Variants in ERCC8 observed in about 807,000 individuals in gnomAD.
The protein encoded by ERCC8 is ERCC excision repair 8, CSA ubiquitin ligase complex subunit.
A neutral mutation model predicts 54.9 loss-of-function variants in ERCC8; 52 were observed. The observed-to-expected ratio is 0.95, with a 90% CI of 0.76 to 1.19. The LOEUF (loss-of-function observed/expected upper bound fraction) is 1.19. Ranked by LOEUF, ERCC8 falls within the 50% of genes most tolerant of loss-of-function variation. The pLI, the probability that ERCC8 is intolerant of heterozygous loss-of-function variation, is 0.00. For missense variants in ERCC8, 514 were observed against 466.1 expected (o/e 1.10, Z -0.95); for synonymous variants, 146 against 157.2 (o/e 0.93, Z 0.53).
chr5:60,898,617 T>A (rs1748786834), intron 8 of ERCC8, among the ~76,000 whole-genome samples: 1 of 151,172 alleles, frequency 6.6e-6, no homozygotes, highest in Non-Finnish European at 1.5e-5. Flanking sequence ...AGGGAAAAAA[T>A]TTCTGCCTAA....
chr5:60,944,810 T>C, intron 1 of ERCC8, 122 bp downstream of exon 1: 1 of 601,172 alleles, frequency 1.7e-6, no homozygotes, highest in Non-Finnish European at 3.0e-6. Flanking sequence ...CACACAGCAT[T>C]AGAGGGCAAA....
intron 4 of ERCC8, among the ~76,000 whole-genome samples, chr5:60,908,727 C>A (rs1026239389): frequency 2.0e-5 from 3 of 151,938 alleles, no homozygotes; most frequent in Non-Finnish European, 2.9e-5. Flanking sequence ...GGCTGAATTG[C>A]TTGACATGTA....
At chr5:60,921,927 T>C (rs1749611074) in intron 3 of ERCC8, 127 bp downstream of exon 3, 4 of 559,282 alleles carry the variant, frequency 7.2e-6, no homozygotes, top group South Asian at 2.7e-5. Flanking sequence ...GGAACAGCCA[T>C]GCAAATGTGT....
chr5:60,935,747 T>C lies in ERCC8; in HGVS notation c.78-6788A>G, dbSNP rs766733295. Among the ~76,000 whole-genome samples the C allele has an allele frequency of 1.4e-4, 22 of 151,906 alleles. No individual in the cohort carries two copies. The South Asian group carries it at 2.3e-3, about 16-fold the overall frequency. ...ATTTTGCTGAGGGTTTTAATCATAA[T>C]GGGATGCTGGATTTTGTCAGATGCT... On this transcript the variant is annotated intron_variant, in intron 1 of 11. Transcript: ENST00000676185.
At chr5:60,914,293 A>G (rs925842957) in intron 4 of ERCC8, among the ~76,000 whole-genome samples, 1 of 152,012 alleles carries the variant, frequency 6.6e-6, no homozygotes, top group African/African-American at 2.4e-5. Flanking sequence ...GTGCATATAT[A>G]TTTAGGATAG....
intron 1 of ERCC8, among the ~76,000 whole-genome samples, chr5:60,939,003 T>C (rs1378862317): frequency 6.6e-6 from 1 of 152,212 alleles, no homozygotes; most frequent in Non-Finnish European, 1.5e-5. Flanking sequence ...AAACAGCTTT[T>C]AGCTTTATTT....
Position 60,918,257 on chromosome 5 carries a change from G to A in ERCC8, c.399+8C>T, listed in dbSNP as rs781341530. ...CAAAGCAATCTGCAAATGTTTTAAT[G>A]TACTTACTTGTAATGTATTTGTATC... On this transcript the variant is annotated splice_region_variant and intron_variant, in intron 4 of 11. Coordinates refer to ENST00000676185, the MANE Select transcript of ERCC8 (RefSeq NM_000082.4). 2 of 1,584,980 alleles carry A rather than the reference G, an allele frequency of 1.3e-6. No individual in the cohort carries two copies. Among genetic ancestry groups the A allele is most frequent in the East Asian group, 4.5e-5 (2 of 44,714 alleles).
chr5:60,933,807 T>C (rs1369459725), intron 1 of ERCC8, among the ~76,000 whole-genome samples: 1 of 152,196 alleles, frequency 6.6e-6, no homozygotes, highest in African/African-American at 2.4e-5. Context: ...CTCCCACTTA[T>C]GAGTGAGAAC....
intron 9 of ERCC8, chr5:60,892,386 C>T (rs766796146): frequency 2.9e-5 from 16 of 546,634 alleles, no homozygotes; most frequent in African/African-American, 7.6e-5. Context: ...TTGACTTGCT[C>T]GGTATCCTCG....
chr5:60,889,388 C>G (rs1391033724), intron 10 of ERCC8, among the ~76,000 whole-genome samples: 1 of 152,138 alleles, frequency 6.6e-6, no homozygotes, highest in Non-Finnish European at 1.5e-5. Flanking sequence ...ACACGGCTCA[C>G]TCAATCTCCT....
chr5:60,941,473 A>C (rs1404726196), intron 1 of ERCC8, among the ~76,000 whole-genome samples: 1 of 152,210 alleles, frequency 6.6e-6, no homozygotes. Context: ...TTGGAGGTCT[A>C]GAAGGAGAAG....
intron 4 of ERCC8, among the ~76,000 whole-genome samples, chr5:60,916,630 T>C (rs915564665): frequency 3.3e-5 from 5 of 152,028 alleles, no homozygotes; most frequent in African/African-American, 1.2e-4. Context: ...AAATATACTT[T>C]ATTATAAAAA....
rs1176257199 is a variant in ERCC8, at chr5:60,872,852, T to TA, written c.*1762dup. ...ATATGAAATCAGTATGTCAAAGAGA[T>TA]ATCTGCACTACCAGGTTCACTGCAG... is the stretch of plus-strand genomic sequence containing the variant. On this transcript the variant is annotated 3_prime_UTR_variant, in exon 12 of 12. Transcript: ENST00000676185. Among the ~76,000 whole-genome samples the TA allele has an allele frequency of 6.6e-6, 1 of 152,206 alleles. No individual in the cohort carries two copies. Among genetic ancestry groups the TA allele is most frequent in the African/African-American group, 2.4e-5 (1 of 41,458 alleles).
intron 1 of ERCC8, among the ~76,000 whole-genome samples, chr5:60,929,783 T>C (rs932338503): frequency 1.3e-4 from 20 of 152,344 alleles, no homozygotes; most frequent in African/African-American, 4.1e-4. Context: ...AAGGTGCTAA[T>C]TACAATGCCT....
chr5:60,898,390 A>T lies in ERCC8; in HGVS notation c.729T>A (p.Ala243=). 1.9e-6 allele frequency: 3 copies of T among 1,613,494 alleles called. No homozygotes were observed. Among genetic ancestry groups the T allele is most frequent in the Non-Finnish European group, 2.5e-6 (3 of 1,179,588 alleles). The change falls in exon 9 of 12, where the codon GCT becomes GCA. Residue 243 remains alanine, a synonymous_variant. Transcript: ENST00000676185. ...ATAAGCCATTAACTTTCCCATTATGAGCAGTGTTTGCTGCAATGAAAAACA... is the reference window on the plus strand; with the variant it reads ...ATAAGCCATTAACTTTCCCATTATGTGCAGTGTTTGCTGCAATGAAAAACA... The part of the protein sequence containing the change: ...KSQAVESANT[A]HNGKVNGLCF...
intron 4 of ERCC8, among the ~76,000 whole-genome samples, chr5:60,912,240 C>T (rs1749289590): frequency 6.6e-6 from 1 of 152,080 alleles, no homozygotes; most frequent in Non-Finnish European, 1.5e-5. Context: ...AATGTTCTTC[C>T]ATTTGTTTGT....
chr5:60,934,362 G>A (rs1750002461), intron 1 of ERCC8, among the ~76,000 whole-genome samples: 1 of 152,100 alleles, frequency 6.6e-6, no homozygotes, highest in African/African-American at 2.4e-5. Context: ...TGTCATATTT[G>A]TTGGCCATTT....
chr5:60,871,632 T>C lies in ERCC8; in HGVS notation c.*2983A>G, dbSNP rs1747864922. The stretch of plus-strand genomic sequence containing the variant: ...GTTAGTGGTGGTTACCTTATGGTAT[T>C]ATAATTCCAGGTGACCACTACCTTC... On this transcript the variant is annotated 3_prime_UTR_variant, in exon 12 of 12. Transcript: ENST00000676185. 6.6e-6 allele frequency among the ~76,000 whole-genome samples: 1 copy of C among 152,198 alleles called. No individual in the cohort carries two copies. Among genetic ancestry groups the C allele is most frequent in the South Asian group, 2.1e-4 (1 of 4,832 alleles).
chr5:60,904,907 T>A (rs1371394988), intron 4 of ERCC8, 34 bp from the exon 5 acceptor site: 1 of 1,056,742 alleles, frequency 9.5e-7, no homozygotes, highest in South Asian at 1.3e-5. Context: ...AAGTATAAGG[T>A]TTAAGTATAA....
Sources: gnomAD v4.1 joint callset for allele counts (sites outside exome capture counted in the v4.1 genomes callset) on GRCh38, gnomAD v4.1.1 for gene constraint, MANE v1.5 for transcripts, NCBI Gene and HGNC (gene_info 2026-07-23, HGNC 2026-07-21) for gene names.